The following HYDIN variants were observed in gnomAD, a reference collection of about 807,000 sequenced individuals.
HYDIN encodes axonemal central pair apparatus protein HYDIN.
In HYDIN, 132 loss-of-function variants were observed where a neutral mutation model predicts 403.9. The observed-to-expected ratio is 0.33, with a 90% CI of 0.28 to 0.38. The LOEUF (loss-of-function observed/expected upper bound fraction) is 0.38, where lower values mean the gene tolerates loss of function less well. Among genes scored for constraint, HYDIN ranks in the 10% least tolerant of loss-of-function variants. HYDIN has a pLI of 1.00. For synonymous variants in HYDIN, 1,202 were observed against 1,891.7 expected, an observed-to-expected ratio of 0.64 and a Z score of 9.46; for missense variants, 2,827 against 5,009.5, an observed-to-expected ratio of 0.56 and a Z score of 13.15.
chr16:70,902,933 A>C (rs1236231390), intron 52 of HYDIN, among the ~76,000 whole-genome samples: 1 of 136,690 alleles, frequency 7.3e-6, no homozygotes, highest in Non-Finnish European at 1.5e-5. Flanking sequence ...GGTTCTGCTC[A>C]TTTTTACCAA....
chr16:70,807,644 G>A lies in HYDIN; in HGVS notation c.15302C>T (p.Pro5101Leu), dbSNP rs1223279082. Residue 5101 changes from proline (P) to leucine (L), a missense_variant, in exon 86 of 86, where the codon CCT (proline) becomes CTT (leucine). Transcript: ENST00000393567. Reference protein sequence around the residue: ...PITTKLTVSCPPGEGSETGVK... With the variant: ...PITTKLTVSCLPGEGSETGVK... The stretch of plus-strand genomic sequence containing the variant: ...TCCAGTCTCACTCCCTTCACCAGGA[G>A]GGCAGCTCACAGTCAGCTTGGTGGT... 1.9e-6 allele frequency: 3 copies of A among 1,614,028 alleles called. No individual in the cohort carries two copies. The highest frequency in any genetic ancestry group is 1.7e-5 in the Admixed American group (1 of 59,998).
At chr16:71,011,574 CA>C (rs1567989006) in intron 23 of HYDIN, among the ~76,000 whole-genome samples, 2 of 150,152 alleles carry the variant, frequency 1.3e-5, no homozygotes, top group East Asian at 2.0e-4. Flanking sequence ...CAAAAAACAA[CA>C]AAAAAACCAG....
intron 18 of HYDIN, among the ~76,000 whole-genome samples, chr16:71,036,074 G>A (rs566350066): frequency 6.6e-6 from 1 of 152,276 alleles, no homozygotes; most frequent in Non-Finnish European, 1.5e-5. Context: ...TTTCCTTGTT[G>A]GTTCACTTTA....
chr16:70,932,715 G>A (rs1346727823), intron 45 of HYDIN, among the ~76,000 whole-genome samples: 1 of 152,206 alleles, frequency 6.6e-6, no homozygotes, highest in Non-Finnish European at 1.5e-5. Flanking sequence ...GAGTTCAGTG[G>A]CCAACCAGCA....
chr16:70,953,325 C>A (rs1273274465), intron 40 of HYDIN, among the ~76,000 whole-genome samples: 3 of 152,144 alleles, frequency 2.0e-5, no homozygotes, highest in Non-Finnish European at 2.9e-5. Context: ...CAAGCCCCTG[C>A]CTCCAGAGCT....
At chr16:70,990,470 T>C (rs897857683) in intron 25 of HYDIN, among the ~76,000 whole-genome samples, 39 of 139,236 alleles carry the variant, frequency 2.8e-4, no homozygotes, top group Non-Finnish European at 4.9e-4. Context: ...GTTGCTTTCA[T>C]AGACTTTTTT....
At chr16:71,061,813 C>CA (rs1485650512) in intron 17 of HYDIN, among the ~76,000 whole-genome samples, 1 of 150,066 alleles carries the variant, frequency 6.7e-6, no homozygotes, top group African/African-American at 2.5e-5. Flanking sequence ...TTCCTCCCCT[C>CA]AGAGTTTCTG....
chr16:71,041,657 C>A (rs1232990641), intron 18 of HYDIN, among the ~76,000 whole-genome samples: 1 of 152,058 alleles, frequency 6.6e-6, no homozygotes, highest in Non-Finnish European at 1.5e-5. Context: ...ACAGACAGAC[C>A]ACACACACCA....
intron 13 of HYDIN, among the ~76,000 whole-genome samples, chr16:71,076,208 G>T (rs1318090715): frequency 1.3e-5 from 2 of 151,890 alleles, no homozygotes; most frequent in Non-Finnish European, 2.9e-5. Context: ...ACAAATAGGT[G>T]ACATTAATTT....
At chr16:70,943,724 G>C in intron 42 of HYDIN, 88 bp downstream of exon 42, 1 of 1,507,744 alleles carries the variant, frequency 6.6e-7, no homozygotes, top group Non-Finnish European at 8.9e-7. Context: ...TGCCGTGGGT[G>C]GCTGATGGCC....
chr16:71,173,986 A>G (rs540511230), intron 5 of HYDIN, among the ~76,000 whole-genome samples: 44 of 152,198 alleles, frequency 2.9e-4, no homozygotes, highest in Non-Finnish European at 4.1e-4. Flanking sequence ...GGGTGTAGGA[A>G]TCTCACACCC....
intron 85 of HYDIN, among the ~76,000 whole-genome samples, chr16:70,808,364 C>T (rs2035235734): frequency 6.6e-6 from 1 of 152,164 alleles, no homozygotes; most frequent in Non-Finnish European, 1.5e-5. Context: ...TTCTTTCCTT[C>T]CATGTACATG....
At chr16:71,117,774 A>G (rs2084096971) in intron 9 of HYDIN, among the ~76,000 whole-genome samples, 1 of 152,338 alleles carries the variant, frequency 6.6e-6, no homozygotes, top group Admixed American at 6.5e-5. Context: ...AAAGAACAAA[A>G]TGGTTTAAAA....
At chr16:71,114,232 T>C (rs1214284623) in intron 10 of HYDIN, among the ~76,000 whole-genome samples, 3 of 151,994 alleles carry the variant, frequency 2.0e-5, no homozygotes, top group Admixed American at 6.5e-5. Context: ...CGCTTTTACC[T>C]GAATTGGTTA....
intron 62 of HYDIN, among the ~76,000 whole-genome samples, chr16:70,875,121 C>T (rs2040370929): frequency 6.6e-6 from 1 of 151,484 alleles, no homozygotes; most frequent in Admixed American, 6.6e-5. Context: ...TCAGATCAGC[C>T]CTTGTTATCT....
In HYDIN at chr16:70,882,664, T is replaced by C. The variant is rs770626861; in HGVS notation, c.10211A>G (p.Asn3404Ser). 5.2e-5 allele frequency: 79 copies of C among 1,518,996 alleles called. No individual in the cohort carries two copies. In the African/African-American group the frequency reaches 8.6e-4, roughly 17 times the overall value. The allele number at this position is 1,518,996 out of a possible 1,614,324, so 94.1% of individuals were successfully genotyped here. A position where few individuals can be genotyped will look rare whatever the true frequency, so the allele number is the denominator to read the frequency against. ...GGGCCATTGGGAGCGTCTTACCTTA[T>C]TGGAGATAGGCCTGACTACAATGTT... The part of the protein sequence containing the change: ...DVNIVVRPIS[N>S]KPFARIVDIF... Residue 3404 changes from asparagine (N) to serine (S), a missense_variant, in exon 60 of 86, where the codon AAT (asparagine) becomes AGT (serine). Coordinates refer to ENST00000393567, the MANE Select transcript of HYDIN (RefSeq NM_001270974.2).
intron 73 of HYDIN, among the ~76,000 whole-genome samples, chr16:70,851,006 T>C (rs1358163510): frequency 6.6e-6 from 1 of 151,996 alleles, no homozygotes; most frequent in Non-Finnish European, 1.5e-5. Flanking sequence ...AATAGGACCC[T>C]TACTTTTCAC....
intron 35 of HYDIN, among the ~76,000 whole-genome samples, chr16:70,971,352 A>C (rs1215050156): frequency 1.3e-5 from 2 of 152,268 alleles, no homozygotes; most frequent in African/African-American, 4.8e-5. Context: ...TACAATTACA[A>C]CCAGATACTG....
chr16:70,986,296 G>C (rs2079190086), intron 27 of HYDIN, among the ~76,000 whole-genome samples: 1 of 149,990 alleles, frequency 6.7e-6, no homozygotes, highest in South Asian at 2.2e-4. Context: ...CACCAGCTGG[G>C]TTAGCAGGCC....
Sources: allele counts gnomAD v4.1 joint callset (sites outside exome capture counted in the v4.1 genomes callset), GRCh38; gene constraint gnomAD v4.1.1; transcripts MANE v1.5; gene names NCBI Gene and HGNC (gene_info 2026-07-23, HGNC 2026-07-21).